TPTE2: variants seen among roughly 807,000 people sequenced by gnomAD.
TPTE2 encodes the protein transmembrane phosphoinositide 3-phosphatase and tensin homolog 2.
A neutral mutation model predicts 78.6 loss-of-function variants in TPTE2; 53 were observed. The observed-to-expected ratio is 0.67, with a 90% CI of 0.54 to 0.85. The LOEUF is 0.85. TPTE2 is among the 40% of genes least tolerant of loss of function. The pLI is 0.00. For missense variants in TPTE2, 461 were observed against 623.0 expected (o/e 0.74, Z 2.77); for synonymous variants, 175 against 206.2 (o/e 0.85, Z 1.30).
At chr13:19,554,232 G>A in the TPTE2 span, among the ~76,000 whole-genome samples, 10 of 151,882 alleles carry the variant, frequency 6.6e-5, no homozygotes, top group East Asian at 1.9e-4. Context: ...AAAATTAGCC[G>A]GGCATGGTGG....
chr13:19,554,194 T>C, the TPTE2 span, among the ~76,000 whole-genome samples: 3 of 151,878 alleles, frequency 2.0e-5, no homozygotes, highest in East Asian at 5.8e-4. Flanking sequence ...GCTAACACGG[T>C]GAAAACCTGT....
intron 1 of TPTE2, 139 bp downstream of exon 4, chr13:19,503,085 T>C: frequency 8.3e-7 from 1 of 1,199,770 alleles, no homozygotes; most frequent in Non-Finnish European, 1.2e-6. Context: ...CATGGGTTAG[T>C]GGATGTGTTT....
the TPTE2 span, among the ~76,000 whole-genome samples, chr13:19,544,063 A>AAAAAAAAAAAAAAAAAAAAAAAAAAAAC: frequency 6.9e-6 from 1 of 144,068 alleles, no homozygotes; most frequent in Admixed American, 6.8e-5. Flanking sequence ...CCTGTCTCAA[A>AAAAAAAAAAAAAAAAAAAAAAAAAAAAC]AAAAAAAAAA....
intron 15 of TPTE2, among the ~76,000 whole-genome samples, chr13:19,435,511 G>T (rs909468268): frequency 1.3e-5 from 2 of 152,126 alleles, no homozygotes; most frequent in African/African-American, 4.8e-5. Context: ...GCAGCAATGT[G>T]ATGACTACAT....
chr13:19,543,743 T>C, the TPTE2 span, among the ~76,000 whole-genome samples: 2 of 151,870 alleles, frequency 1.3e-5, no homozygotes, highest in African/African-American at 4.8e-5. Flanking sequence ...CAAGATGGAA[T>C]TGTGAAAAAC....
intron 1 of TPTE2, among the ~76,000 whole-genome samples, chr13:19,519,151 T>A (rs533142184): frequency 6.6e-6 from 1 of 152,160 alleles, no homozygotes; most frequent in South Asian, 2.1e-4. Flanking sequence ...ATACCCTAAT[T>A]GGAGGATAGA....
At chr13:19,437,423 A>T (rs1416512997) in intron 14 of TPTE2, among the ~76,000 whole-genome samples, 1 of 152,206 alleles carries the variant, frequency 6.6e-6, no homozygotes, top group Admixed American at 6.5e-5. Flanking sequence ...CACCTTGTCT[A>T]ATCAGAAATT....
At chr13:19,438,860 C>T (rs1050659241) in intron 13 of TPTE2, among the ~76,000 whole-genome samples, 13 of 152,126 alleles carry the variant, frequency 8.5e-5, no homozygotes, top group Admixed American at 6.5e-4. Flanking sequence ...GGACAGCATT[C>T]GACTGATAAA....
intron 1 of TPTE2, among the ~76,000 whole-genome samples, chr13:19,531,204 TTCC>T: frequency 6.6e-6 from 1 of 152,224 alleles, no homozygotes; most frequent in African/African-American, 2.4e-5. Context: ...CTGAATCATA[TTCC>T]ATTGTACATC....
intron 17 of TPTE2, among the ~76,000 whole-genome samples, chr13:19,427,059 C>CTT (rs56254843): frequency 5.6e-5 from 7 of 124,444 alleles, no homozygotes; most frequent in Middle Eastern, 5.3e-3. Flanking sequence ...AACCACTTTT[C>CTT]TTTTTTTTTC....
At chr13:19,517,202 T>C (rs1278378269) in intron 1 of TPTE2, among the ~76,000 whole-genome samples, 1 of 152,146 alleles carries the variant, frequency 6.6e-6, no homozygotes, top group African/African-American at 2.4e-5. Context: ...AAGTCTGAGG[T>C]TTTGTGTTAT....
chr13:19,557,633 C>T, the TPTE2 span, among the ~76,000 whole-genome samples: 5 of 152,148 alleles, frequency 3.3e-5, no homozygotes, highest in East Asian at 5.8e-4. Context: ...TTTAGTCTCT[C>T]GACGCCTTCC....
chr13:19,479,588 A>G (rs1880199753), intron 4 of TPTE2, among the ~76,000 whole-genome samples: 1 of 152,218 alleles, frequency 6.6e-6, no homozygotes. Flanking sequence ...CTCATATTGC[A>G]TATTGAGAAA....
At chr13:19,515,737 AT>A (rs1869751349) in intron 1 of TPTE2, among the ~76,000 whole-genome samples, 1 of 152,206 alleles carries the variant, frequency 6.6e-6, no homozygotes, top group African/African-American at 2.4e-5. Context: ...ACAAGGGAAA[AT>A]GTTCAAAACA....
chr13:19,423,667 G>T (rs1719981564), intron 19 of TPTE2, among the ~76,000 whole-genome samples: 1 of 152,218 alleles, frequency 6.6e-6, no homozygotes, highest in Non-Finnish European at 1.5e-5. Context: ...CTAAATGATA[G>T]AAGTTAGCAT....
chr13:19,428,703 T>A (rs1309823907), intron 17 of TPTE2, among the ~76,000 whole-genome samples: 6 of 151,212 alleles, frequency 4.0e-5, no homozygotes, highest in African/African-American at 1.5e-4. Context: ...CACTACAGCC[T>A]GGGTGACAGA....
chr13:19,465,280 A>C (rs1262303120), exon 9 of TPTE2: 1 of 1,613,950 alleles, frequency 6.2e-7, no homozygotes. Flanking sequence ...GGTCTAGGTC[A>C]AATCCATCCC....
intron 1 of TPTE2, among the ~76,000 whole-genome samples, chr13:19,518,132 G>A (rs1472784836): frequency 2.6e-5 from 4 of 152,108 alleles, no homozygotes; most frequent in Non-Finnish European, 5.9e-5. Flanking sequence ...GACTTGGGGG[G>A]ATACCTCATT....
In TPTE2 at chr13:19,465,378, A is replaced by G. The variant is rs1879200999; in HGVS notation, c.613-60T>C. The G allele has an allele frequency of 1.9e-6, 3 of 1,611,456 alleles. No homozygotes were observed. In the African/African-American group the frequency reaches 4.0e-5, roughly 22 times the overall value. ...ATTCATCAACATAAAAATAAAAAAC[A>G]TTATACAGTATAGATATCAACCCTT... is the stretch of plus-strand genomic sequence containing the variant. On this transcript the variant is annotated intron_variant, in intron 8 of 19. Transcript: ENST00000400230.
Sources: gnomAD v4.1 joint callset for allele counts (sites outside exome capture counted in the v4.1 genomes callset) on GRCh38, gnomAD v4.1.1 for gene constraint, MANE v1.5 for transcripts, NCBI Gene and HGNC (gene_info 2026-07-23, HGNC 2026-07-21) for gene names.